Variants in UBE2F observed in about 807,000 individuals in gnomAD.
UBE2F encodes the protein ubiquitin conjugating enzyme E2 F (putative).
A neutral mutation model predicts 29.6 loss-of-function variants in UBE2F; 5 were observed. That is an observed-to-expected ratio of 0.17 (90% CI 0.09 to 0.36). UBE2F has a LOEUF of 0.36. Among genes scored for constraint, UBE2F ranks in the 10% least tolerant of loss-of-function variants. The pLI is 1.00. For synonymous variants in UBE2F, 66 were observed against 81.8 expected (o/e 0.81, Z 1.04); for missense variants, 141 against 228.5 (o/e 0.62, Z 2.47).
chr2:237,987,260 G>C (rs1289968060), intron 2 of UBE2F, among the ~76,000 whole-genome samples: 1 of 152,066 alleles, frequency 6.6e-6, no homozygotes, highest in Non-Finnish European at 1.5e-5. Context: ...GTGTGTGTGG[G>C]GAAGGGCAGG....
intron 3 of UBE2F, among the ~76,000 whole-genome samples, chr2:237,991,427 A>G (rs2063583639): frequency 6.6e-6 from 1 of 152,178 alleles, no homozygotes; most frequent in Non-Finnish European, 1.5e-5. Context: ...GCAAGTTTTT[A>G]GCGGTTTCTC....
intron 4 of UBE2F, among the ~76,000 whole-genome samples, chr2:238,003,117 G>T (rs2063830690): frequency 6.6e-6 from 1 of 151,476 alleles, no homozygotes; most frequent in South Asian, 2.1e-4. Flanking sequence ...TCTCATCCCT[G>T]TTTCTTTCTA....
At chr2:238,030,644 G>A (rs746640221) in intron 7 of UBE2F, 31 bp downstream of exon 7, 28 of 1,586,084 alleles carry the variant, frequency 1.8e-5, no homozygotes, top group East Asian at 2.2e-5. Flanking sequence ...TTGATCATAA[G>A]TTGTCCCTGT....
At chr2:237,977,590 G>T (rs980117799) in intron 2 of UBE2F, among the ~76,000 whole-genome samples, 1 of 152,180 alleles carries the variant, frequency 6.6e-6, no homozygotes, top group Admixed American at 6.5e-5. Flanking sequence ...CTTTGTGGGT[G>T]GCTTGTTGAC....
At chr2:237,999,049 G>C (rs1277181292) in intron 4 of UBE2F, among the ~76,000 whole-genome samples, 1 of 151,786 alleles carries the variant, frequency 6.6e-6, no homozygotes, top group Non-Finnish European at 1.5e-5. Flanking sequence ...TAAAAATGCT[G>C]TCTTTTGTTG....
At chr2:238,011,098 C>T (rs1289828148) in intron 4 of UBE2F, among the ~76,000 whole-genome samples, 1 of 152,210 alleles carries the variant, frequency 6.6e-6, no homozygotes, top group Non-Finnish European at 1.5e-5. Context: ...GGCTCCTGCT[C>T]TGCGATCCAT....
At chr2:238,039,424 A>G (rs1171831621) in intron 9 of UBE2F, among the ~76,000 whole-genome samples, 1 of 152,186 alleles carries the variant, frequency 6.6e-6, no homozygotes, top group East Asian at 1.9e-4. Flanking sequence ...AGAGGCCATT[A>G]TGACTGGTGC....
intron 2 of UBE2F, among the ~76,000 whole-genome samples, chr2:237,974,190 T>C (rs2063229253): frequency 6.8e-6 from 1 of 146,906 alleles, no homozygotes; most frequent in Non-Finnish European, 1.5e-5. Context: ...GGAATTTCGC[T>C]CTTGTTGTCC....
chr2:238,031,759 A>G (rs1344592653), intron 7 of UBE2F, among the ~76,000 whole-genome samples: 1 of 152,258 alleles, frequency 6.6e-6, no homozygotes, highest in Non-Finnish European at 1.5e-5. Flanking sequence ...AACTAATGCA[A>G]AATCATTAAG....
chr2:237,978,193 CTGTGCAGCCACCAAATCCCTGAA>C (rs1163596452), intron 2 of UBE2F, among the ~76,000 whole-genome samples: 1 of 152,204 alleles, frequency 6.6e-6, no homozygotes, highest in Non-Finnish European at 1.5e-5. Flanking sequence ...GAGTGCAGGT[CTGTGCAGCCACCAAATCCCTGAA>C]AGGGCTGATT....
At chr2:238,037,538 C>G (rs1018633407) in intron 9 of UBE2F, among the ~76,000 whole-genome samples, 1 of 152,196 alleles carries the variant, frequency 6.6e-6, no homozygotes, top group Non-Finnish European at 1.5e-5. Context: ...CCTCGCACTC[C>G]GTTTTCTGAA....
chr2:238,004,066 ATGT>A (rs1283535841), intron 4 of UBE2F, among the ~76,000 whole-genome samples: 2 of 152,166 alleles, frequency 1.3e-5, no homozygotes, highest in Admixed American at 1.3e-4. Context: ...ACATTCATCC[ATGT>A]TGTTGTGTTT....
In UBE2F at chr2:238,002,063, A is replaced by AT. The variant is rs10695548; in HGVS notation, c.214+7272dup. Among the ~76,000 whole-genome samples the AT allele has an allele frequency of 4.0e-3, 510 of 126,168 alleles. 18 individuals carry two copies. The highest frequency in any genetic ancestry group is 0.011 in the African/African-American group (362 of 33,134). The allele number at this position is 126,168 out of a possible 152,430, so 82.8% of individuals were successfully genotyped here. On this transcript the variant is annotated intron_variant, in intron 4 of 9. Coordinates refer to ENST00000272930, the MANE Select transcript of UBE2F (RefSeq NM_080678.3). ...GAATGTGTAATAAAGGAATATCCCA[A>AT]TTTTTTTTTTTTTTTTTTGAGACAG... is the stretch of plus-strand genomic sequence containing the variant.
chr2:238,041,460 C>T lies in UBE2F; in HGVS notation c.*122C>T, dbSNP rs1377335793. The T allele has an allele frequency of 8.6e-6, 8 of 924,926 alleles. No individual in the cohort carries two copies. The highest frequency in any genetic ancestry group is 3.2e-5 in the African/African-American group (2 of 61,568). The allele number at this position is 924,926 out of a possible 1,614,324, so 57.3% of individuals were successfully genotyped here. Reference sequence around the variant, plus strand: ...CTCAGTCCCCTGGATTGCCCCAGTCCTGTGACCATGTTGCCCTGAAGAAGA... The same window carrying T: ...CTCAGTCCCCTGGATTGCCCCAGTCTTGTGACCATGTTGCCCTGAAGAAGA... On this transcript the variant is annotated 3_prime_UTR_variant, in exon 10 of 10. Coordinates refer to ENST00000272930, the MANE Select transcript of UBE2F (RefSeq NM_080678.3).
intron 6 of UBE2F, among the ~76,000 whole-genome samples, chr2:238,026,472 T>C (rs902817322): frequency 2.0e-5 from 3 of 152,164 alleles, no homozygotes; most frequent in African/African-American, 4.8e-5. Flanking sequence ...CTCGCTTTGT[T>C]GCCCAGGCTG....
intron 4 of UBE2F, among the ~76,000 whole-genome samples, chr2:237,995,886 AGT>A (rs1386164615): frequency 6.6e-6 from 1 of 152,206 alleles, no homozygotes; most frequent in Non-Finnish European, 1.5e-5. Context: ...TGGGTATAGG[AGT>A]TAATACTAGA....
chr2:237,980,557 A>T (rs1315827930), intron 2 of UBE2F, among the ~76,000 whole-genome samples: 1 of 152,098 alleles, frequency 6.6e-6, no homozygotes, highest in Non-Finnish European at 1.5e-5. Context: ...TCCAAATACC[A>T]TCACATTGGG....
chr2:238,039,149 C>T (rs1401563282), intron 9 of UBE2F, among the ~76,000 whole-genome samples: 2 of 152,146 alleles, frequency 1.3e-5, no homozygotes, highest in African/African-American at 4.8e-5. Flanking sequence ...TCAGGAGAAT[C>T]ACTTGAACCC....
chr2:238,033,301 AT>A (rs534949693), intron 8 of UBE2F, among the ~76,000 whole-genome samples: 390 of 152,222 alleles, frequency 2.6e-3, no homozygotes, highest in African/African-American at 8.0e-3. Context: ...TGTTGGTTGG[AT>A]TTTTTTTATA....
Sources: gnomAD v4.1 joint callset for allele counts (sites outside exome capture counted in the v4.1 genomes callset) on GRCh38, gnomAD v4.1.1 for gene constraint, MANE v1.5 for transcripts, NCBI Gene and HGNC (gene_info 2026-07-23, HGNC 2026-07-21) for gene names.